TUBGCP3: variants seen among roughly 807,000 people sequenced by gnomAD.
The protein encoded by TUBGCP3 is gamma-tubulin complex component 3.
TUBGCP3 carries 50 observed loss-of-function variants against 123.1 expected under a neutral mutation model. The observed-to-expected ratio is 0.41, with a 90% CI of 0.32 to 0.51. The LOEUF is 0.51. Ranked by LOEUF, TUBGCP3 falls within the 20% of genes least tolerant of loss-of-function variation. TUBGCP3 has a pLI of 0.36. For synonymous variants in TUBGCP3, 405 were observed against 413.9 expected, an observed-to-expected ratio of 0.98 and a Z score of 0.26; for missense variants, 882 against 1,127.0, an observed-to-expected ratio of 0.78 and a Z score of 3.11.
At chr13:112,558,052 G>T in intron 5 of TUBGCP3, 144 bp downstream of exon 5, 1 of 822,794 alleles carries the variant, frequency 1.2e-6, no homozygotes, top group Non-Finnish European at 1.8e-6. Flanking sequence ...GAGATGGAGT[G>T]CATCGGACAC....
At chr13:112,499,242 C>G in intron 19 of TUBGCP3, 57 bp from the exon 20 acceptor site, 3 of 1,533,102 alleles carry the variant, frequency 2.0e-6, no homozygotes, top group South Asian at 1.2e-5. Flanking sequence ...GTTTCTTAAA[C>G]AAAACATTGA....
At chr13:112,557,624 C>T (rs770640974) in intron 5 of TUBGCP3, among the ~76,000 whole-genome samples, 2 of 152,192 alleles carry the variant, frequency 1.3e-5, no homozygotes, top group Non-Finnish European at 2.9e-5. Context: ...ATGACAATGG[C>T]GCCTGCTTGA....
intron 17 of TUBGCP3, among the ~76,000 whole-genome samples, chr13:112,505,710 A>AACATT (rs1881248684): frequency 6.6e-6 from 1 of 152,268 alleles, no homozygotes; most frequent in Non-Finnish European, 1.5e-5. Flanking sequence ...TCTAAGCCTT[A>AACATT]TAAAAATGTA....
At chr13:112,574,954 G>C (rs1881695450) in intron 1 of TUBGCP3, among the ~76,000 whole-genome samples, 1 of 152,238 alleles carries the variant, frequency 6.6e-6, no homozygotes, top group African/African-American at 2.4e-5. Context: ...GAGGGAGGGA[G>C]GAAGCACCAC....
chr13:112,534,173 G>A (rs555736178), intron 11 of TUBGCP3, among the ~76,000 whole-genome samples: 20 of 152,316 alleles, frequency 1.3e-4, no homozygotes, highest in African/African-American at 4.8e-4. Flanking sequence ...AGGGTGGATA[G>A]ACCAGGGGTC....
chr13:112,494,824 T>A (rs932650019), intron 20 of TUBGCP3, among the ~76,000 whole-genome samples: 1 of 152,264 alleles, frequency 6.6e-6, no homozygotes, highest in African/African-American at 2.4e-5. Flanking sequence ...TAACCCATGA[T>A]GTTGAGCACC....
chr13:112,580,018 T>C (rs1882169470), intron 1 of TUBGCP3, among the ~76,000 whole-genome samples: 1 of 152,198 alleles, frequency 6.6e-6, no homozygotes, highest in Admixed American at 6.5e-5. Context: ...ACTATTGATA[T>C]GGCACTGTAA....
At chr13:112,592,267 G>A (rs150967232), upstream of TUBGCP3, among the ~76,000 whole-genome samples, 851 of 152,294 alleles carry the variant, frequency 5.6e-3, 8 homozygotes, top group African/African-American at 0.02. This position sits in a 1 kb window ranked among gnomAD's most constrained non-coding sequence, Gnocchi z 4.1. Flanking sequence ...CTTCAATACT[G>A]GTTCTTAAAT....
At position 112,531,928 on chromosome 13, in the gene TUBGCP3, GA is replaced by G. The variant is rs910144836; in HGVS notation, c.1336-4445del. Among the ~76,000 whole-genome samples, 39 of 151,882 alleles carry G rather than the reference GA, an allele frequency of 2.6e-4. No homozygotes were observed. In the South Asian group the frequency reaches 7.1e-3, roughly 28 times the overall value. On this transcript the variant is annotated intron_variant, in intron 11 of 21. Coordinates refer to ENST00000261965, the MANE Select transcript of TUBGCP3 (RefSeq NM_006322.6). ...TTATGTCAAACGCAGAAAGAATTAA[GA>G]AAAAAAATAAAACATAATTGTACCA...
chr13:112,566,115 C>T (rs890281038), intron 2 of TUBGCP3, among the ~76,000 whole-genome samples: 1 of 152,164 alleles, frequency 6.6e-6, no homozygotes, highest in African/African-American at 2.4e-5. Flanking sequence ...GCAGTTGCAG[C>T]GAATGAGAAG....
At chr13:112,570,628 C>T (rs192887208) in intron 1 of TUBGCP3, among the ~76,000 whole-genome samples, 3 of 152,336 alleles carry the variant, frequency 2.0e-5, no homozygotes, top group Admixed American at 2.0e-4. Context: ...TTGACGACTA[C>T]TGACTGACCA....
upstream of TUBGCP3, chr13:112,588,218 T>G: frequency 1.4e-5 from 5 of 368,494 alleles, no homozygotes; most frequent in Admixed American, 4.8e-5. Flanking sequence ...TGCCTAAGCG[T>G]TCCCGGCCCT....
chr13:112,561,546 T>C (rs1439754270), intron 3 of TUBGCP3, among the ~76,000 whole-genome samples: 1 of 152,106 alleles, frequency 6.6e-6, no homozygotes, highest in Admixed American at 6.5e-5. Flanking sequence ...ACACTCAGGT[T>C]CTCATGGGGG....
intron 11 of TUBGCP3, among the ~76,000 whole-genome samples, chr13:112,541,541 C>CAAAAAAAAAAAAAAAAAAAAACAAAAA (rs57599177): frequency 9.7e-6 from 1 of 102,804 alleles, no homozygotes; most frequent in Non-Finnish European, 2.2e-5. Context: ...GACTCCGTCT[C>CAAAAAAAAAAAAAAAAAAAAACAAAAA]AAAAAAAAAA....
In TUBGCP3 at chr13:112,508,392, A is replaced by G. The variant is rs970269938; in HGVS notation, c.2087-3678T>C. 7.9e-5 allele frequency among the ~76,000 whole-genome samples: 12 copies of G among 152,148 alleles called. No individual in the cohort carries two copies. Among genetic ancestry groups the G allele is most frequent in the Non-Finnish European group, 1.3e-4 (9 of 68,036 alleles). On this transcript the variant is annotated intron_variant, in intron 17 of 21. Coordinates refer to ENST00000261965, the MANE Select transcript of TUBGCP3 (RefSeq NM_006322.6). The surrounding 1 kb of genome is among the most constrained non-coding windows in gnomAD (Gnocchi z 4.2). ...TGATTTTGCCCAACTCTTCTGTAGT[A>G]TATCTTTAAATTTTCAGATGCCATA...
chr13:112,588,380 T>A (rs746469654), upstream of TUBGCP3, among the ~76,000 whole-genome samples: 4 of 152,124 alleles, frequency 2.6e-5, no homozygotes, highest in African/African-American at 4.8e-5. Context: ...GGTAGCACCA[T>A]AAAGGCCATA....
chr13:112,516,401 G>A (rs1439384084), intron 17 of TUBGCP3, 39 bp downstream of exon 17: 2 of 1,531,426 alleles, frequency 1.3e-6, no homozygotes, highest in Admixed American at 2.0e-5. Context: ...GGAGGCCGCT[G>A]GGAGTGTGTG....
intron 12 of TUBGCP3, 72 bp from the exon 13 acceptor site, chr13:112,527,122 T>G: frequency 7.6e-7 from 1 of 1,319,210 alleles, no homozygotes; most frequent in Non-Finnish European, 1.1e-6. Context: ...CAAATATTCG[T>G]AAGCTACAAA....
chr13:112,499,760 A>G (rs1240956560), intron 19 of TUBGCP3, among the ~76,000 whole-genome samples: 1 of 152,230 alleles, frequency 6.6e-6, no homozygotes, highest in Admixed American at 6.5e-5. Flanking sequence ...TTTTAAACAA[A>G]TATCAGTGTC....
Sources: gnomAD v4.1 joint callset for allele counts (sites outside exome capture counted in the v4.1 genomes callset) on GRCh38, gnomAD v4.1.1 for gene constraint, Gnocchi (gnomAD v3.1) non-coding constraint, MANE v1.5 for transcripts, NCBI Gene and HGNC (gene_info 2026-07-23, HGNC 2026-07-21) for gene names.